The following CFAP54 variants were observed in gnomAD, a reference collection of about 807,000 sequenced individuals.
CFAP54 encodes cilia- and flagella-associated protein 54.
A neutral mutation model predicts 370.4 loss-of-function variants in CFAP54; 290 were observed. That is an observed-to-expected ratio of 0.78 (90% CI 0.71 to 0.86). The LOEUF (loss-of-function observed/expected upper bound fraction) is 0.86. CFAP54 is among the 40% of genes least tolerant of loss of function. The pLI, the probability that CFAP54 is intolerant of heterozygous loss-of-function variation, is 0.00. For synonymous variants in CFAP54, 1,206 were observed against 1,236.5 expected, an observed-to-expected ratio of 0.98 and a Z score of 0.52; for missense variants, 3,399 against 3,528.7, an observed-to-expected ratio of 0.96 and a Z score of 0.93.
At chr12:96,634,046 C>CT (rs71437232) in intron 32 of CFAP54, among the ~76,000 whole-genome samples, 21,540 of 56,474 alleles carry the variant, frequency 0.38, 8,804 homozygotes, top group Non-Finnish European at 0.47. Context: ...TAGCGAACAT[C>CT]TTTTTTTTTT....
In CFAP54 at chr12:96,623,861, T is replaced by C. The variant is rs1376363627; in HGVS notation, c.3866T>C (p.Leu1289Pro). The change falls in exon 28 of 68, where the codon CTA (leucine) becomes CCA (proline). Residue 1289 changes from leucine (L) to proline (P), a missense_variant. By Grantham distance (98) the Leu-to-Pro change is moderately conservative. This residue lies in a region of CFAP54 where 2,796 missense variants were observed against 2,869.7 expected (regional missense o/e 0.97). Transcript: ENST00000524981. ...NEQLALLETH[L>P]LKLTKQYVTS... ...CAGCTGGCCTTGTTGGAGACACACC[T>C]ACTCAAACTGACAAAGCAATGTAAT... The C allele has an allele frequency of 1.3e-6, 2 of 1,533,256 alleles. No individual in the cohort carries two copies. The highest frequency in any genetic ancestry group is 2.4e-5 in the East Asian group (1 of 40,872). 95.0% of individuals were successfully genotyped at this position (1,533,256 alleles called of 1,614,324 possible). A position where few individuals can be genotyped will look rare whatever the true frequency, so the allele number is the denominator to read the frequency against.
intron 50 of CFAP54, among the ~76,000 whole-genome samples, chr12:96,737,667 T>G (rs1957995327): frequency 1.3e-5 from 2 of 151,928 alleles, no homozygotes. Context: ...TTTCTGTATT[T>G]TTAGTAGAGA....
At chr12:96,840,237 G>A (rs577827502) in intron 66 of CFAP54, among the ~76,000 whole-genome samples, 3 of 152,312 alleles carry the variant, frequency 2.0e-5, no homozygotes, top group East Asian at 1.9e-4. Context: ...AGACCCACAC[G>A]GTAGAGGATA....
chr12:96,706,052 T>C (rs919254689), intron 47 of CFAP54, among the ~76,000 whole-genome samples: 1 of 152,082 alleles, frequency 6.6e-6, no homozygotes, highest in East Asian at 1.9e-4. Context: ...CAAGAGCCTA[T>C]TGTGTGCAAG....
intron 8 of CFAP54, among the ~76,000 whole-genome samples, chr12:96,524,148 A>G (rs931442417): frequency 7.2e-5 from 11 of 152,182 alleles, no homozygotes; most frequent in African/African-American, 2.7e-4. Flanking sequence ...GTTAACTTAT[A>G]GTAAATCATT....
At position 96,786,498 on chromosome 12, in the gene CFAP54, C is replaced by T. The variant is rs922676045; in HGVS notation, c.8456-177C>T. Among the ~76,000 whole-genome samples the T allele has an allele frequency of 1.1e-4, 17 of 152,024 alleles. 1 individual carries two copies. Among genetic ancestry groups the T allele is most frequent in the African/African-American group, 4.1e-4 (17 of 41,384 alleles). The stretch of plus-strand genomic sequence containing the variant: ...GCCTGGCCTGAAATTTTGTTTCCTT[C>T]TGTGGCAAGAAACAATTCCATTAGT... On this transcript the variant is annotated intron_variant, in intron 61 of 67. Transcript: ENST00000524981.
chr12:96,797,092 T>C (rs1465505228), intron 63 of CFAP54, among the ~76,000 whole-genome samples: 2 of 152,182 alleles, frequency 1.3e-5, no homozygotes, highest in African/African-American at 4.8e-5. Flanking sequence ...CTTTGGCTCA[T>C]GGACTATTTT....
chr12:96,605,712 T>C (rs971962113), intron 26 of CFAP54, among the ~76,000 whole-genome samples: 2 of 152,176 alleles, frequency 1.3e-5, no homozygotes, highest in African/African-American at 2.4e-5. Context: ...ATAGTAATTG[T>C]AGGAGGAGAA....
chr12:96,824,004 T>A (rs1401249929), intron 65 of CFAP54, among the ~76,000 whole-genome samples: 1 of 152,146 alleles, frequency 6.6e-6, no homozygotes, highest in East Asian at 1.9e-4. Flanking sequence ...TTCAACCAAA[T>A]CTAAGAATTG....
intron 26 of CFAP54, among the ~76,000 whole-genome samples, chr12:96,606,138 A>G (rs1011846897): frequency 6.6e-6 from 1 of 152,190 alleles, no homozygotes; most frequent in Admixed American, 6.5e-5. Context: ...TTTAAAGGAG[A>G]TAGATTTATG....
Position 96,600,244 on chromosome 12 carries a change from A to G in CFAP54, c.3639+1477A>G, listed in dbSNP as rs937690835. ...CTAGCCAGTTTTCCCAGCACCATTT[A>G]TTAAATAGGGAATCCTTTCCCCACT... On this transcript the variant is annotated intron_variant, in intron 26 of 67. Coordinates refer to ENST00000524981, the MANE Select transcript of CFAP54 (RefSeq NM_001306084.2). 5.9e-5 allele frequency among the ~76,000 whole-genome samples: 9 copies of G among 152,202 alleles called. 1 individual carries two copies. The highest frequency in any genetic ancestry group is 1.7e-4 in the African/African-American group (7 of 41,442).
At chr12:96,637,942 G>A (rs1956678524) in intron 32 of CFAP54, among the ~76,000 whole-genome samples, 1 of 152,140 alleles carries the variant, frequency 6.6e-6, no homozygotes, top group Admixed American at 6.6e-5. Context: ...TGCTGTAGAG[G>A]TTTGTAGCCT....
At chr12:96,594,662 G>A (rs75865330) in intron 25 of CFAP54, among the ~76,000 whole-genome samples, 5,026 of 152,108 alleles carry the variant, frequency 0.033, 282 homozygotes, top group African/African-American at 0.12. Flanking sequence ...GAAAATATTC[G>A]TCCCTGTTCC....
chr12:96,774,642 AG>A (rs1958497467), intron 60 of CFAP54, among the ~76,000 whole-genome samples: 1 of 152,172 alleles, frequency 6.6e-6, no homozygotes, highest in Non-Finnish European at 1.5e-5. Context: ...AGTTCCAAAA[AG>A]TCCTGCTGTA....
chr12:96,653,767 A>G (rs1275567994), intron 36 of CFAP54, among the ~76,000 whole-genome samples: 3 of 152,024 alleles, frequency 2.0e-5, no homozygotes, highest in Admixed American at 1.3e-4. Context: ...AAAAGAAATG[A>G]TAAGAGCAGA....
chr12:96,534,350 G>C, intron 11 of CFAP54, 123 bp downstream of exon 11: 1 of 601,276 alleles, frequency 1.7e-6, no homozygotes. Flanking sequence ...TGAGACAAGA[G>C]TGTGTTTGGT....
Position 96,535,593 on chromosome 12 carries a change from C to T in CFAP54, c.1784C>T (p.Ala595Val), listed in dbSNP as rs1242705711. The change falls in exon 12 of 68, where the codon GCT becomes GTT. Residue 595 changes from alanine to valine, a missense_variant. Physicochemically the swap from Ala to Val is moderately conservative, Grantham distance 64. Around this residue, in one of 3 missense-constraint regions of CFAP54, gnomAD observed 2,796 missense variants for 2,869.7 expected, o/e 0.97. Coordinates refer to ENST00000524981, the MANE Select transcript of CFAP54 (RefSeq NM_001306084.2). ...ACCTTGTATGTCTGTGTCTGCACTGCTCCCCAGGTGAAATAGCTATTTTAA... is the reference window on the plus strand; with the variant it reads ...ACCTTGTATGTCTGTGTCTGCACTGTTCCCCAGGTGAAATAGCTATTTTAA... ...AATLYVCVCT[A>V]PQDVQPDKEI... 6.5e-7 allele frequency: 1 copy of T among 1,532,028 alleles called. No homozygotes were observed. Among genetic ancestry groups the T allele is most frequent in the South Asian group, 1.2e-5 (1 of 83,542 alleles). 94.9% of individuals were successfully genotyped at this position (1,532,028 alleles called of 1,614,324 possible).
chr12:96,672,678 T>A (rs1280418209), intron 39 of CFAP54, among the ~76,000 whole-genome samples: 1 of 152,212 alleles, frequency 6.6e-6, no homozygotes, highest in Non-Finnish European at 1.5e-5. Flanking sequence ...CAGTTCTTCC[T>A]GGGTGTGTTC....
chr12:96,780,725 T>C (rs1958572480), intron 60 of CFAP54, among the ~76,000 whole-genome samples: 1 of 152,080 alleles, frequency 6.6e-6, no homozygotes, highest in Non-Finnish European at 1.5e-5. Context: ...AAATTTTAAA[T>C]CATCACAGAT....
Sources: gnomAD v4.1 joint callset for allele counts (sites outside exome capture counted in the v4.1 genomes callset) on GRCh38, gnomAD v4.1.1 for gene constraint, gnomAD v4.1.1 regional missense constraint, MANE v1.5 for transcripts, NCBI Gene and HGNC (gene_info 2026-07-23, HGNC 2026-07-21) for gene names.